ABCB9: variants seen among roughly 807,000 people sequenced by gnomAD.
ABCB9 encodes ATP binding cassette subfamily B member 9.
In ABCB9, 36 loss-of-function variants were observed where a neutral mutation model predicts 62.0. The ratio of observed to expected loss-of-function variants is 0.58; its 90% CI spans 0.45 to 0.77. The LOEUF (loss-of-function observed/expected upper bound fraction) is 0.77. ABCB9 is among the 30% of genes least tolerant of loss of function. The pLI is 0.00. For missense variants in ABCB9, 943 were observed against 1,054.7 expected (o/e 0.89, Z 1.47); for synonymous variants, 435 against 461.4 (o/e 0.94, Z 0.73).
chr12:122,954,131 G>A (rs980164221), intron 2 of ABCB9, among the ~76,000 whole-genome samples: 3 of 149,838 alleles, frequency 2.0e-5, no homozygotes, highest in African/African-American at 7.4e-5. Flanking sequence ...TCACTCCACT[G>A]TACTCCATCC....
chr12:122,959,998 G>T lies in ABCB9; in HGVS notation c.238C>A (p.Arg80=). 6.2e-7 allele frequency: 1 copy of T among 1,613,256 alleles called. No homozygotes were observed. The highest frequency in any genetic ancestry group is 8.5e-7 in the Non-Finnish European group (1 of 1,180,020). The change falls in exon 2 of 12, where the codon CGG becomes AGG. Residue 80 remains arginine (R), a synonymous_variant. Coordinates refer to ENST00000280560, the MANE Select transcript of ABCB9 (RefSeq NM_019625.4). The surrounding 1 kb of genome is among the most constrained non-coding windows in gnomAD (Gnocchi z 5.4). ...AGGGTGATGACCAGCCACGAGGCCC[G>T]CAGCCGCCGGGGCCCCAGCGCACTG... ...KNSALGPRRL[R]ASWLVITLVC...
chr12:122,948,459 G>A (rs2036165168), intron 5 of ABCB9, 165 bp downstream of exon 5: 5 of 664,838 alleles, frequency 7.5e-6, no homozygotes, highest in Non-Finnish European at 1.2e-5. Flanking sequence ...ATAGCAGGTG[G>A]TCAATAATTA....
In ABCB9 at chr12:122,944,614, G is replaced by A. The variant is rs757137796; in HGVS notation, c.1252-95C>T. On this transcript the variant is annotated intron_variant, in intron 6 of 11. Coordinates refer to ENST00000280560, the MANE Select transcript of ABCB9 (RefSeq NM_019625.4). This position sits in a 1 kb window ranked among gnomAD's most constrained non-coding sequence, Gnocchi z 4.9. ...CATCCCAGGCTGCAGGGGGAGGTGAGGGCAGACCCAGCCACAAACTGAAAT... is the reference window on the plus strand; with the variant it reads ...CATCCCAGGCTGCAGGGGGAGGTGAAGGCAGACCCAGCCACAAACTGAAAT... 43 of 1,521,330 alleles carry A rather than the reference G, an allele frequency of 2.8e-5. No individual in the cohort carries two copies. Among genetic ancestry groups the A allele is most frequent in the African/African-American group, 4.1e-5 (3 of 72,596 alleles). 94.2% of individuals were successfully genotyped at this position (1,521,330 alleles called of 1,614,324 possible).
chr12:122,953,361 C>T (rs2036459853), intron 2 of ABCB9, among the ~76,000 whole-genome samples: 1 of 150,814 alleles, frequency 6.6e-6, no homozygotes, highest in African/African-American at 2.4e-5. Context: ...TACAGGTGAC[C>T]GCCATCACAC....
At position 122,945,844 on chromosome 12, in the gene ABCB9, C is replaced by G. The variant is rs558851455; in HGVS notation, c.1251+181G>C. Among the ~76,000 whole-genome samples, 14 of 147,488 alleles carry G rather than the reference C, an allele frequency of 9.5e-5. No individual in the cohort carries two copies. The South Asian group carries it at 3.0e-3, about 31-fold the overall frequency. ...AGTGAGCTGAGATGGTGCCACTGCA[C>G]TCCAGCCTGGGTGACAGAGTGAGGC... On this transcript the variant is annotated intron_variant, in intron 6 of 11. Transcript: ENST00000280560.
chr12:122,931,119 G>C (rs1329052054), intron 11 of ABCB9, among the ~76,000 whole-genome samples: 1 of 152,004 alleles, frequency 6.6e-6, no homozygotes, highest in Non-Finnish European at 1.5e-5. Flanking sequence ...CTGCTTCCCA[G>C]GTTCATGCTA....
intron 2 of ABCB9, chr12:122,952,708 A>G (rs1195025863): frequency 6.6e-6 from 1 of 152,242 alleles, no homozygotes; most frequent in Non-Finnish European, 1.5e-5. Context: ...CTTACTGGGT[A>G]CCAGGGGCTG....
intron 7 of ABCB9, among the ~76,000 whole-genome samples, chr12:122,942,033 A>G (rs2035788134): frequency 1.3e-5 from 2 of 152,002 alleles, no homozygotes. Context: ...CCGGCCAAGC[A>G]TGCTCTGTAT....
rs961815755 is a variant in ABCB9 at position 122,940,719 on chromosome 12, G to T, written c.1569+88C>A. 2.8e-6 allele frequency: 4 copies of T among 1,423,628 alleles called. No individual in the cohort carries two copies. The African/African-American group carries it at 5.7e-5, about 20-fold the overall frequency. The allele number at this position is 1,423,628 out of a possible 1,614,324, so 88.2% of individuals were successfully genotyped here. On this transcript the variant is annotated intron_variant, in intron 8 of 11. Transcript: ENST00000280560. The surrounding 1 kb of genome is among the most constrained non-coding windows in gnomAD (Gnocchi z 4.8). ...GATCTTGCCTGACATATTCCCAGCT[G>T]CCCTGCCACAGCCTGGTGTATAGGA...
Position 122,940,951 on chromosome 12 carries a change from A to G in ABCB9, c.1425T>C (p.Ala475=), listed in dbSNP as rs768570426. The G allele has an allele frequency of 3.3e-5, 54 of 1,612,484 alleles. No homozygotes were observed. Among genetic ancestry groups the G allele is most frequent in the Non-Finnish European group, 4.4e-5 (52 of 1,179,250 alleles). ...CGATGAACTCGAACACCTTCTCAGC[A>G]GCCCCCACTCCCTGCATCAGGCCAC... ...VYSGLMQGVG[A]AEKVFEFIDR... The change falls in exon 8 of 12, where the codon GCT becomes GCC. Residue 475 remains alanine (A), a synonymous_variant. Coordinates refer to ENST00000280560, the MANE Select transcript of ABCB9 (RefSeq NM_019625.4). This position sits in a 1 kb window ranked among gnomAD's most constrained non-coding sequence, Gnocchi z 4.8.
rs370267656 is a variant in ABCB9, at chr12:122,932,166, G to A, written c.2040+26C>T. On this transcript the variant is annotated intron_variant, in intron 11 of 11. Coordinates refer to ENST00000280560, the MANE Select transcript of ABCB9 (RefSeq NM_019625.4). This position sits in a 1 kb window ranked among gnomAD's most constrained non-coding sequence, Gnocchi z 4.7. ...GCCACCTGGAGCCGCTCCTGCCCCC[G>A]CATTGCCCACCACCCTGTGACTCAC... 2.2e-5 allele frequency: 34 copies of A among 1,551,070 alleles called. No homozygotes were observed. The highest frequency in any genetic ancestry group is 9.5e-5 in the South Asian group (8 of 84,030).
chr12:122,936,873 C>T (rs1187997124), intron 9 of ABCB9, among the ~76,000 whole-genome samples: 1 of 149,474 alleles, frequency 6.7e-6, no homozygotes, highest in Non-Finnish European at 1.5e-5. Context: ...CATTGTACTC[C>T]AGCCTGGGCA....
At chr12:122,969,950 C>T (rs1020069697), upstream of ABCB9, among the ~76,000 whole-genome samples, 5 of 152,148 alleles carry the variant, frequency 3.3e-5, 1 homozygote, top group South Asian at 6.2e-4. Flanking sequence ...GAAGGCAGTT[C>T]GGCAGGTTTT....
chr12:122,949,157 AG>A (rs2036218642), intron 4 of ABCB9: 1 of 225,316 alleles, frequency 4.4e-6, no homozygotes, highest in Admixed American at 5.3e-5. Flanking sequence ...TCACTGGCAG[AG>A]GGGGTAACTC....
Position 122,940,796 on chromosome 12 carries a change from C to T in ABCB9, c.1569+11G>A, listed in dbSNP as rs535693191. 61 of 1,566,494 alleles carry T rather than the reference C, an allele frequency of 3.9e-5. No homozygotes were observed. In the African/African-American group the frequency reaches 6.3e-4, roughly 16 times the overall value. ...AGGCTGATTCTGGCAGGCCTCAAGC[C>T]GCGCCCTCACCTGCAGGACCTGGGT... On this transcript the variant is annotated intron_variant, in intron 8 of 11. Coordinates refer to ENST00000280560, the MANE Select transcript of ABCB9 (RefSeq NM_019625.4). This position sits in a 1 kb window ranked among gnomAD's most constrained non-coding sequence, Gnocchi z 4.8.
intron 5 of ABCB9, chr12:122,948,240 T>G (rs555561542): frequency 4.5e-5 from 7 of 157,068 alleles, no homozygotes; most frequent in African/African-American, 1.7e-4. Context: ...GCCCAGCCAG[T>G]AAATCCAATT....
At chr12:122,923,943 C>T (rs1467509143) in intron 11 of ABCB9, among the ~76,000 whole-genome samples, 1 of 152,148 alleles carries the variant, frequency 6.6e-6, no homozygotes, top group Non-Finnish European at 1.5e-5. Context: ...GGAGCTGCAG[C>T]AGATAGCAGG....
At chr12:122,963,753 G>C (rs1388210858) in intron 1 of ABCB9, among the ~76,000 whole-genome samples, 12 of 152,284 alleles carry the variant, frequency 7.9e-5, no homozygotes, top group Non-Finnish European at 8.8e-5. Context: ...CCTGGGCCCT[G>C]CTTTCACCCC....
rs1205037009 is a variant in ABCB9 at position 122,930,203 on chromosome 12, G to A, written c.2041-32C>T. The A allele has an allele frequency of 2.0e-6, 3 of 1,513,062 alleles. No individual in the cohort carries two copies. The highest frequency in any genetic ancestry group is 2.0e-5 in the Admixed American group (1 of 49,602). The allele number at this position is 1,513,062 out of a possible 1,614,324, so 93.7% of individuals were successfully genotyped here. A position where few individuals can be genotyped will look rare whatever the true frequency, so the allele number is the denominator to read the frequency against. Reference sequence around the variant, plus strand: ...GGACAGTGGGGGCCTGGCTTGCATGGCACGGACGCCCCACCCGCAACCGTG... The same window carrying A: ...GGACAGTGGGGGCCTGGCTTGCATGACACGGACGCCCCACCCGCAACCGTG... On this transcript the variant is annotated intron_variant, in intron 11 of 11. Transcript: ENST00000280560. This position sits in a 1 kb window ranked among gnomAD's most constrained non-coding sequence, Gnocchi z 4.9.
Sources: allele counts gnomAD v4.1 joint callset (sites outside exome capture counted in the v4.1 genomes callset), GRCh38; gene constraint gnomAD v4.1.1; non-coding constraint Gnocchi (gnomAD v3.1); transcripts MANE v1.5; gene names NCBI Gene and HGNC (gene_info 2026-07-23, HGNC 2026-07-21).